Variants in FLG observed in about 807,000 individuals in gnomAD.
The protein encoded by FLG is filaggrin.
In FLG, 6 loss-of-function variants were observed where a neutral mutation model predicts 3.8. The observed-to-expected ratio is 1.60, with a 90% confidence interval of 0.87 to 3.15. The LOEUF (loss-of-function observed/expected upper bound fraction) is 3.15, where lower values mean the gene tolerates loss of function less well. Ranked by LOEUF, FLG falls within the 30% of genes most tolerant of loss-of-function variation. The pLI is 0.00. For synonymous variants in FLG, 2,551 were observed against 1,931.6 expected (o/e 1.32, Z -8.41); for missense variants, 7,595 against 5,050.9 (o/e 1.50, Z -15.27).
rs373806639 is a variant in FLG, at chr1:152,309,857, G to T, written c.5029C>A (p.Pro1677Thr). The T allele has an allele frequency of 1.2e-6, 2 of 1,613,796 alleles. No individual in the cohort carries two copies. Among genetic ancestry groups the T allele is most frequent in the East Asian group, 2.2e-5 (1 of 44,840 alleles). Residue 1677 changes from proline (P) to threonine (T), a missense_variant, in exon 3 of 3, where the codon CCA becomes ACA. By Grantham distance (38) the Pro-to-Thr change is conservative. Coordinates refer to ENST00000368799, the MANE Select transcript of FLG (RefSeq NM_002016.2). The part of the protein sequence containing the change: ...ASSQEQARSS[P>T]GERHGSRHQQ... ...TGGCGGGATCCATGTCTTTCTCCTG[G>T]ACTTGACCTTGCCTGTTCCTGGGAT... is the stretch of plus-strand genomic sequence containing the variant.
Position 152,315,316 on chromosome 1 carries a change from T to G in FLG, c.138+3A>C, listed in dbSNP as rs1330827546. On this transcript the variant is annotated splice_donor_region_variant and intron_variant, in intron 2 of 2. Coordinates refer to ENST00000368799, the MANE Select transcript of FLG (RefSeq NM_002016.2). ...TATCTTTGGTCTTGTCAGAGACTCT[T>G]ACCTTCAGGATTTGCCGAAATTCCT... 6.2e-7 allele frequency: 1 copy of G among 1,613,244 alleles called. No individual in the cohort carries two copies. The highest frequency in any genetic ancestry group is 1.7e-5 in the Admixed American group (1 of 60,006).
rs1277395000 is a variant in FLG, at chr1:152,310,566, A to C, written c.4320T>G (p.Ser1440=). The C allele has an allele frequency of 3.1e-6, 5 of 1,613,738 alleles. No individual in the cohort carries two copies. The highest frequency in any genetic ancestry group is 4.5e-5 in the East Asian group (2 of 44,856). Reference sequence around the variant, plus strand: ...CATGAGAGCTCACCTGGTAGAGGAAAGACCTTGAACGTCCAGAGCTTTCCC... The same window carrying C: ...CATGAGAGCTCACCTGGTAGAGGAACGACCTTGAACGTCCAGAGCTTTCCC... ...QSGESSGRSR[S]FLYQVSSHEQ... is the part of the protein sequence containing the mutation. The change falls in exon 3 of 3, where the codon TCT becomes TCG. Residue 1440 remains serine (S), a synonymous_variant. Transcript: ENST00000368799.
At chr1:152,320,279 A>G (rs1652915498) in intron 1 of FLG, among the ~76,000 whole-genome samples, 1 of 151,268 alleles carries the variant, frequency 6.6e-6, no homozygotes, top group African/African-American at 2.4e-5. Flanking sequence ...AAATAGTTCC[A>G]TAATAACTCT....
At position 152,310,306 on chromosome 1, in the gene FLG, C is replaced by T. The variant is rs1652312110; in HGVS notation, c.4580G>A (p.Arg1527Lys). 1.9e-6 allele frequency: 3 copies of T among 1,613,786 alleles called. No homozygotes were observed. Among genetic ancestry groups the T allele is most frequent in the Non-Finnish European group, 2.5e-6 (3 of 1,179,988 alleles). The part of the protein sequence containing the change: ...YHHSHTTPQG[R>K]SDASHGQSGP... ...TGACTGCCCATGGGAGGCATCAGAC[C>T]TTCCCTGGGGTGTGGTGTGGCTGTG... Residue 1527 changes from arginine to lysine, a missense_variant, in exon 3 of 3, where the codon AGG becomes AAG. Arg to Lys is a conservative substitution (Grantham distance 26). Transcript: ENST00000368799.
Position 152,307,552 on chromosome 1 carries a change from TG to T in FLG, c.7333del (p.Gln2445ArgfsTer38), listed in dbSNP as rs771810626. On this transcript the variant is annotated frameshift_variant, in exon 3 of 3. Transcript: ENST00000368799. LOFTEE classifies it low-confidence loss of function (END_TRUNC). ...TGGRQGSHHK[Q>X]ARDSSRHSTS... is the part of the protein sequence containing the mutation. ...TGAGTGCCTGGAGCTGTCTCGTGCC[TG>T]CTTGTGGTGGGATCCTTGTCTTCCT... 8 of 1,613,886 alleles carry T rather than the reference TG, an allele frequency of 5.0e-6. No individual in the cohort carries two copies. The South Asian group carries it at 7.7e-5, about 16-fold the overall frequency.
rs772335989 is a variant in FLG, at chr1:152,311,186, C to T, written c.3700G>A (p.Gly1234Arg). 3 of 1,613,710 alleles carry T rather than the reference C, an allele frequency of 1.9e-6. No individual in the cohort carries two copies. Among genetic ancestry groups the T allele is most frequent in the Non-Finnish European group, 2.5e-6 (3 of 1,179,988 alleles). ...GAGGCAGCTTCATGGTGACGTGACC[C>T]TGAGTGCCTGGAGCCGTCTCCTGAT... Reference protein sequence around the residue: ...KQSGDGSRHSGSRHHEAASWA... With the variant: ...KQSGDGSRHSRSRHHEAASWA... Residue 1234 changes from glycine (G) to arginine (R), a missense_variant, in exon 3 of 3, where the codon GGG becomes AGG. Transcript: ENST00000368799.
rs201656440 is a variant in FLG, at chr1:152,303,597, C to G, written c.11289G>C (p.Gly3763=). 4.3e-6 allele frequency: 7 copies of G among 1,613,752 alleles called. No individual in the cohort carries two copies. Among genetic ancestry groups the G allele is most frequent in the Non-Finnish European group, 5.9e-6 (7 of 1,179,942 alleles). ...EGQDTIRGHP[G]SRRGGRQGSY... is the part of the protein sequence containing the mutation. The stretch of plus-strand genomic sequence containing the variant: ...ATCCCTGTCTTCCTCCTCTCCTTGA[C>G]CCCGGGTGTCCACGAATGGTGTCCT... Residue 3763 remains glycine, a synonymous_variant, in exon 3 of 3, where the codon GGG becomes GGC. Transcript: ENST00000368799.
rs1376093931 is a variant in FLG, at chr1:152,305,271, G to A, written c.9615C>T (p.Ser3205=). The change falls in exon 3 of 3, where the codon TCC becomes TCT. Residue 3205 remains serine, a synonymous_variant. Transcript: ENST00000368799. ...SQAVQGQSEG[S]RRSRRQGSSV... is the part of the protein sequence containing the mutation. ...TGGATCCCTGGCGCCTGCTTCTCCT[G>A]GACCCCTCTGATTGTCCCTGGACTG... 3 of 1,611,976 alleles carry A rather than the reference G, an allele frequency of 1.9e-6. No homozygotes were observed. Among genetic ancestry groups the A allele is most frequent in the Non-Finnish European group, 2.5e-6 (3 of 1,179,684 alleles).
rs777735473 is a variant in FLG at position 152,310,160 on chromosome 1, C to T, written c.4726G>A (p.Val1576Met). The change falls in exon 3 of 3, where the codon GTG becomes ATG. Residue 1576 changes from valine (V) to methionine (M), a missense_variant. Coordinates refer to ENST00000368799, the MANE Select transcript of FLG (RefSeq NM_002016.2). ...TRAGSSRHSQ[V>M]GQGESAGSKT... is the part of the protein sequence containing the mutation. ...GACCCCGCTGATTCTCCCTGGCCCA[C>T]CTGTGAGTGTCTAGAGCTGCCGGCC... 3.1e-6 allele frequency: 5 copies of T among 1,613,982 alleles called. No homozygotes were observed. Among genetic ancestry groups the T allele is most frequent in the Admixed American group, 1.7e-5 (1 of 60,010 alleles).
Position 152,307,371 on chromosome 1 carries a change from A to G in FLG, c.7515T>C (p.His2505=), listed in dbSNP as rs1291430254. ...TTGCACTTCTGGATCCTGAGTGCCC[A>G]TGGGAGGCATCAGACCTTCCCTGGG... ...TTSQGRSDAS[H]GHSGSRSASR... The change falls in exon 3 of 3, where the codon CAT becomes CAC. Residue 2505 remains histidine, a synonymous_variant. Coordinates refer to ENST00000368799, the MANE Select transcript of FLG (RefSeq NM_002016.2). 4.3e-6 allele frequency: 7 copies of G among 1,613,084 alleles called. No homozygotes were observed. In the South Asian group the frequency reaches 7.7e-5, roughly 18 times the overall value.
Position 152,314,084 on chromosome 1 carries a change from A to T in FLG, c.802T>A (p.Ser268Thr), listed in dbSNP as rs1351161924. The T allele has an allele frequency of 1.2e-6, 2 of 1,614,166 alleles. No individual in the cohort carries two copies. The highest frequency in any genetic ancestry group is 1.7e-6 in the Non-Finnish European group (2 of 1,180,012). The change falls in exon 3 of 3, where the codon TCA (serine) becomes ACA (threonine). Residue 268 changes from serine to threonine, a missense_variant. Physicochemically the swap from Ser to Thr is moderately conservative, Grantham distance 58 (BLOSUM62 1). Transcript: ENST00000368799. ...ERSRSSDGKS[S>T]SQVNRSRHEN... ...TGTCTTGACCTGTTCACTTGAGATG[A>T]TGATTTGCCATCAGATGACCTTGAT... is the stretch of plus-strand genomic sequence containing the variant.
chr1:152,314,322 A>G lies in FLG; in HGVS notation c.564T>C (p.Thr188=), dbSNP rs2101653297. ...TATTGTCTCCTAATCTAGTATTTTC[A>G]GTCTTGTTTTTCTCTTTTTTACTTG... ...HNSSKKEKNK[T]ENTRLGDNRK... Residue 188 remains threonine, a synonymous_variant, in exon 3 of 3, where the codon ACT becomes ACC. Coordinates refer to ENST00000368799, the MANE Select transcript of FLG (RefSeq NM_002016.2). 2 of 1,612,038 alleles carry G rather than the reference A, an allele frequency of 1.2e-6. No individual in the cohort carries two copies. Among genetic ancestry groups the G allele is most frequent in the Non-Finnish European group, 1.7e-6 (2 of 1,179,520 alleles).
At chr1:152,323,009 C>A (rs1170034195) in intron 1 of FLG, among the ~76,000 whole-genome samples, 3 of 151,188 alleles carry the variant, frequency 2.0e-5, no homozygotes, top group African/African-American at 7.3e-5. Flanking sequence ...TGATGCAAGG[C>A]TAAACAAATG....
In FLG at chr1:152,311,240, C is replaced by G; in HGVS notation, c.3646G>C (p.Ala1216Pro). Reference protein sequence around the residue: ...ASHGQSGSRSASRQTRKDKQS... With the variant: ...ASHGQSGSRSPSRQTRKDKQS... ...TTGTCCTTACGAGTTTGTCTGCTTGCACTTCTGGATCCTGACTGCCCATGG... is the reference window on the plus strand; with the variant it reads ...TTGTCCTTACGAGTTTGTCTGCTTGGACTTCTGGATCCTGACTGCCCATGG... The change falls in exon 3 of 3, where the codon GCA becomes CCA. Residue 1216 changes from alanine to proline, a missense_variant. Physicochemically the swap from Ala to Pro is conservative, Grantham distance 27 (BLOSUM62 -1). Coordinates refer to ENST00000368799, the MANE Select transcript of FLG (RefSeq NM_002016.2). The G allele has an allele frequency of 1.2e-6, 2 of 1,613,848 alleles. No individual in the cohort carries two copies. The highest frequency in any genetic ancestry group is 1.7e-6 in the Non-Finnish European group (2 of 1,179,972).
At position 152,308,862 on chromosome 1, in the gene FLG, G is replaced by GT; in HGVS notation, c.6023dup (p.His2008GlnfsTer35). 1 of 1,614,190 alleles carries GT rather than the reference G, an allele frequency of 6.2e-7. No homozygotes were observed. Among genetic ancestry groups the GT allele is most frequent in the Non-Finnish European group, 8.5e-7 (1 of 1,180,030 alleles). ...AGCTGTCTGCTGACTGGAGCTGGTG[G>GT]TGGGATCCATGTCTTTCTCCTGCAC... On this transcript the variant is annotated frameshift_variant, in exon 3 of 3. Coordinates refer to ENST00000368799, the MANE Select transcript of FLG (RefSeq NM_002016.2). LOFTEE classifies it low-confidence loss of function (END_TRUNC).
Position 152,312,694 on chromosome 1 carries a change from G to A in FLG, c.2192C>T (p.Ser731Leu), listed in dbSNP as rs771893352. The A allele has an allele frequency of 3.1e-6, 5 of 1,613,908 alleles. No individual in the cohort carries two copies. The South Asian group carries it at 3.3e-5, about 11-fold the overall frequency. ...RHSGTGHGQA[S>L]SAVRDSGHRG... ...GTGTCCACTGTCTCTGACTGCAGAT[G>A]AAGCTTGTCCGTGCCCAGTGCCTGA... Residue 731 changes from serine (S) to leucine (L), a missense_variant, in exon 3 of 3, where the codon TCA becomes TTA. By Grantham distance (145) the Ser-to-Leu change is moderately radical. Coordinates refer to ENST00000368799, the MANE Select transcript of FLG (RefSeq NM_002016.2).
rs759040582 is a variant in FLG, at chr1:152,312,296, A to C, written c.2590T>G (p.Ser864Ala). The change falls in exon 3 of 3, where the codon TCT becomes GCT. Residue 864 changes from serine (S) to alanine (A), a missense_variant. By Grantham distance (99) the Ser-to-Ala change is moderately conservative. Transcript: ENST00000368799. Reference sequence around the variant, plus strand: ...CTGTGATGGGACCCTGAGTGTCCAGACCTATCTACCGATTGCTCGTGGTGG... The same window carrying C: ...CTGTGATGGGACCCTGAGTGTCCAGCCCTATCTACCGATTGCTCGTGGTGG... ...GSHHEQSVDR[S>A]GHSGSHHSHT... The C allele has an allele frequency of 3.1e-6, 5 of 1,612,596 alleles. No homozygotes were observed. Among genetic ancestry groups the C allele is most frequent in the Non-Finnish European group, 3.4e-6 (4 of 1,179,750 alleles).
chr1:152,314,132 C>A lies in FLG; in HGVS notation c.754G>T (p.Glu252Ter). The part of the protein sequence containing the change: ...EAYDTTDSLL[E>*]ENKIYERSRS... ...GATCTTTCATATATTTTGTTTTCTT[C>A]TAATAGACTATCAGTGGTGTCATAG... The change falls in exon 3 of 3, where the codon GAA becomes TAA. Residue 252 changes from glutamate (E) to a stop codon, truncating the protein, a stop_gained. Transcript: ENST00000368799. LOFTEE classifies it low-confidence loss of function (END_TRUNC). 6.2e-7 allele frequency: 1 copy of A among 1,614,136 alleles called. No individual in the cohort carries two copies. The highest frequency in any genetic ancestry group is 1.1e-5 in the South Asian group (1 of 91,086).
rs780808970 is a variant in FLG at position 152,311,996 on chromosome 1, C to T, written c.2890G>A (p.Gly964Arg). 6.2e-7 allele frequency: 1 copy of T among 1,614,094 alleles called. No individual in the cohort carries two copies. Among genetic ancestry groups the T allele is most frequent in the Admixed American group, 1.7e-5 (1 of 60,024 alleles). The change falls in exon 3 of 3, where the codon GGG (glycine) becomes AGG (arginine). Residue 964 changes from glycine (G) to arginine (R), a missense_variant. Physicochemically the swap from Gly to Arg is moderately radical, Grantham distance 125. Transcript: ENST00000368799. ...CCACGATGGTTTCTGGAAGCAGACC[C>T]AGACCACCTCTCAGAGTCTTCTGAA... is the stretch of plus-strand genomic sequence containing the variant. Reference protein sequence around the residue: ...GHSEDSERWSGSASRNHRGSA... With the variant: ...GHSEDSERWSRSASRNHRGSA...
Sources: allele counts gnomAD v4.1 joint callset (sites outside exome capture counted in the v4.1 genomes callset), GRCh38; gene constraint gnomAD v4.1.1; transcripts MANE v1.5; gene names NCBI Gene and HGNC (gene_info 2026-07-23, HGNC 2026-07-21).